KDM5A: variants seen among roughly 807,000 people sequenced by gnomAD.
The protein encoded by KDM5A is lysine demethylase 5A.
A neutral mutation model predicts 193.5 loss-of-function variants in KDM5A; 42 were observed. The ratio of observed to expected loss-of-function variants is 0.22; its 90% CI spans 0.17 to 0.28. The LOEUF (loss-of-function observed/expected upper bound fraction) is 0.28. Ranked by LOEUF, KDM5A falls within the 10% of genes least tolerant of loss-of-function variation. The pLI is 1.00. For synonymous variants in KDM5A, 796 were observed against 718.1 expected, an observed-to-expected ratio of 1.11 and a Z score of -1.73; for missense variants, 1,692 against 2,055.1, an observed-to-expected ratio of 0.82 and a Z score of 3.42.
chr12:372,274 T>A (rs1325074659), intron 3 of KDM5A, among the ~76,000 whole-genome samples: 4 of 152,112 alleles, frequency 2.6e-5, no homozygotes, highest in Non-Finnish European at 4.4e-5. Context: ...TTTTATTTCA[T>A]TGAGCAGTGG....
chr12:370,522 C>T (rs774543360), intron 3 of KDM5A, among the ~76,000 whole-genome samples: 7 of 152,284 alleles, frequency 4.6e-5, no homozygotes, highest in Middle Eastern at 6.8e-3. Flanking sequence ...ATGGCATGCA[C>T]TTGAATTGAA....
At chr12:357,119 A>G (rs914739028) in intron 5 of KDM5A, among the ~76,000 whole-genome samples, 1 of 152,162 alleles carries the variant, frequency 6.6e-6, no homozygotes, top group Non-Finnish European at 1.5e-5. Context: ...CATCTCTACA[A>G]AAAGTACAAA....
intron 22 of KDM5A, 87 bp downstream of exon 22, chr12:309,716 T>C (rs769915125): frequency 5.7e-6 from 8 of 1,414,752 alleles, no homozygotes; most frequent in Non-Finnish European, 8.0e-6. Flanking sequence ...AATAAAAAGT[T>C]AAAAACATAA....
intron 24 of KDM5A, among the ~76,000 whole-genome samples, chr12:297,471 T>C (rs913872445): frequency 2.0e-5 from 3 of 152,202 alleles, no homozygotes; most frequent in Non-Finnish European, 4.4e-5. Flanking sequence ...AGTAAATAAC[T>C]GGAGAAACTA....
chr12:355,349 C>A, intron 6 of KDM5A, 100 bp from the exon 7 acceptor site: 1 of 754,934 alleles, frequency 1.3e-6, no homozygotes, highest in Non-Finnish European at 2.4e-6. Flanking sequence ...TAAAATCTTA[C>A]AACTGTTTAT....
chr12:293,775 T>C (rs1233265841), intron 26 of KDM5A, among the ~76,000 whole-genome samples: 1 of 80,214 alleles, frequency 1.2e-5, no homozygotes, highest in Non-Finnish European at 2.1e-5. Flanking sequence ...CAAGACTCCA[T>C]CTCAAAAAAA....
intron 18 of KDM5A, 88 bp downstream of exon 18, chr12:320,907 A>G (rs774631968): frequency 1.2e-4 from 113 of 940,934 alleles, no homozygotes; most frequent in Non-Finnish European, 1.9e-4. Context: ...AGAGCAAAAA[A>G]CTAGTTTAGA....
At chr12:360,663 G>C (rs529964072) in intron 5 of KDM5A, among the ~76,000 whole-genome samples, 2 of 152,332 alleles carry the variant, frequency 1.3e-5, no homozygotes, top group South Asian at 4.1e-4. Flanking sequence ...TTAGATTATA[G>C]AGTATAAAAA....
intron 3 of KDM5A, among the ~76,000 whole-genome samples, chr12:383,513 G>C (rs1195685414): frequency 4.6e-5 from 7 of 150,878 alleles, no homozygotes; most frequent in African/African-American, 1.7e-4. Context: ...CACCGTGCCT[G>C]GCCCAAATTT....
At chr12:348,095 T>C (rs905374985) in intron 10 of KDM5A, among the ~76,000 whole-genome samples, 1 of 152,088 alleles carries the variant, frequency 6.6e-6, no homozygotes, top group African/African-American at 2.4e-5. Context: ...CATCAAAAAG[T>C]GGGCAAAGGA....
At chr12:375,656 C>T (rs999447591) in intron 3 of KDM5A, among the ~76,000 whole-genome samples, 1 of 152,122 alleles carries the variant, frequency 6.6e-6, no homozygotes, top group Admixed American at 6.6e-5. Flanking sequence ...GTGCTCTGCT[C>T]TGATTTTTCT....
At chr12:386,827 T>C (rs1322812027) in intron 1 of KDM5A, among the ~76,000 whole-genome samples, 2 of 152,150 alleles carry the variant, frequency 1.3e-5, no homozygotes, top group East Asian at 3.8e-4. Context: ...ACAATTATGC[T>C]TTCCCAAGTT....
rs1943560773 is a variant in KDM5A at position 309,820 on chromosome 12, T to C, written c.3361A>G (p.Arg1121Gly). ...TTTCTTACCACCATGGCTGTATCTC[T>C]GGTTTCCTCCAATCCTTCCTCCAGA... The part of the protein sequence containing the change: ...SDLEEGLEET[R>G]DTAMVVAVFK... Residue 1121 changes from arginine to glycine, a missense_variant, in exon 22 of 28, where the codon AGA becomes GGA. Transcript: ENST00000399788. The C allele has an allele frequency of 9.3e-6, 15 of 1,614,190 alleles. No homozygotes were observed. The highest frequency in any genetic ancestry group is 1.2e-5 in the Non-Finnish European group (14 of 1,180,012).
rs749299308 is a variant in KDM5A, at chr12:385,994, T to A, written c.166-20A>T. On this transcript the variant is annotated intron_variant, in intron 1 of 27. Coordinates refer to ENST00000399788, the MANE Select transcript of KDM5A (RefSeq NM_001042603.3). ...CCAGTCCTAAATAGAAAGATTTTTT[T>A]AAAAAAACACAGTGGTATGTAAACA... 3.2e-5 allele frequency: 51 copies of A among 1,592,312 alleles called. No homozygotes were observed. The highest frequency in any genetic ancestry group is 6.7e-5 in the African/African-American group (5 of 74,414).
chr12:388,894 C>T, intron 1 of KDM5A, 33 bp downstream of exon 1: 1 of 1,612,568 alleles, frequency 6.2e-7, no homozygotes, highest in Non-Finnish European at 8.5e-7. Context: ...CCCATTCTTC[C>T]TTCTCCCCCT....
chr12:309,750 C>T (rs4980877), intron 22 of KDM5A, 53 bp downstream of exon 22: 492,763 of 1,582,390 alleles, frequency 0.31, 81,010 homozygotes, highest in East Asian at 0.59. Context: ...GCTAATATCT[C>T]TACAGAGTTT....
At position 311,034 on chromosome 12, in the gene KDM5A, G is replaced by A. The variant is rs745631640; in HGVS notation, c.3067C>T (p.Leu1023Phe). The change falls in exon 21 of 28, where the codon CTT becomes TTT. Residue 1023 changes from leucine (L) to phenylalanine (F), a missense_variant. By Grantham distance (22) the Leu-to-Phe change is conservative. Transcript: ENST00000399788. Reference protein sequence around the residue: ...SGSNYAYLEQLESLSAKGRPI... With the variant: ...SGSNYAYLEQFESLSAKGRPI... ...CGTCCTTTCGCAGACAAGCTCTCAAGCTGCTCCAAATAAGCGTAATTGCTG... is the reference window on the plus strand; with the variant it reads ...CGTCCTTTCGCAGACAAGCTCTCAAACTGCTCCAAATAAGCGTAATTGCTG... 1.2e-6 allele frequency: 2 copies of A among 1,614,060 alleles called. No individual in the cohort carries two copies. Among genetic ancestry groups the A allele is most frequent in the Non-Finnish European group, 1.7e-6 (2 of 1,180,044 alleles).
At chr12:382,048 C>T (rs1944579958) in intron 3 of KDM5A, among the ~76,000 whole-genome samples, 1 of 152,032 alleles carries the variant, frequency 6.6e-6, no homozygotes, top group Non-Finnish European at 1.5e-5. Context: ...TAGGTTCAAG[C>T]AATCCTTCCA....
chr12:306,743 C>CA (rs371480095), intron 24 of KDM5A, among the ~76,000 whole-genome samples: 2,149 of 92,792 alleles, frequency 0.023, 21 homozygotes, highest in Middle Eastern at 0.085. Context: ...ACTCCATCTC[C>CA]AAAAAAAAAA....
Sources: gnomAD v4.1 joint callset for allele counts (sites outside exome capture counted in the v4.1 genomes callset) on GRCh38, gnomAD v4.1.1 for gene constraint, MANE v1.5 for transcripts, NCBI Gene and HGNC (gene_info 2026-07-23, HGNC 2026-07-21) for gene names.